Variants in PROX2 observed in about 807,000 individuals in gnomAD.
PROX2 encodes prospero homeobox 2, also known as prospero homeobox protein 2.
Under a neutral mutation model 48.9 loss-of-function variants are expected in PROX2, and 46 were observed. The observed-to-expected ratio is 0.94, with a 90% confidence interval of 0.74 to 1.20. PROX2 has a LOEUF of 1.20. Ranked by LOEUF, PROX2 falls within the 50% of genes most tolerant of loss-of-function variation. The pLI, the probability that PROX2 is intolerant of heterozygous loss-of-function variation, is 0.00. For synonymous variants in PROX2, 260 were observed against 276.6 expected, an observed-to-expected ratio of 0.94 and a Z score of 0.60; for missense variants, 663 against 719.4, an observed-to-expected ratio of 0.92 and a Z score of 0.90.
At position 74,855,106 on chromosome 14, in the gene PROX2, G is replaced by A. The variant is rs529831386; in HGVS notation, c.*26C>T. On this transcript the variant is annotated 3_prime_UTR_variant, in exon 6 of 6. Transcript: ENST00000556489. ...GAAACCCTAGCCAGTCACTCCTCAC[G>A]TTGTGGGATCTTAACCCCGAAACAG... 2.4e-5 allele frequency: 36 copies of A among 1,482,928 alleles called. No homozygotes were observed. The highest frequency in any genetic ancestry group is 9.7e-5 in the Admixed American group (5 of 51,436). The allele number at this position is 1,482,928 out of a possible 1,614,324, so 91.9% of individuals were successfully genotyped here. A position where few individuals can be genotyped will look rare whatever the true frequency, so the allele number is the denominator to read the frequency against.
intron 3 of PROX2, 34 bp downstream of exon 3, chr14:74,862,496 A>G: frequency 2.5e-6 from 4 of 1,582,030 alleles, no homozygotes; most frequent in Non-Finnish European, 3.4e-6. Flanking sequence ...GCACCTGGCC[A>G]ACAATGAGAA....
Position 74,854,185 on chromosome 14 carries a change from G to A in PROX2, c.*947C>T, listed in dbSNP as rs1224267741. 2 of 425,830 alleles carry A rather than the reference G, an allele frequency of 4.7e-6. No individual in the cohort carries two copies. The highest frequency in any genetic ancestry group is 4.7e-6 in the Non-Finnish European group (1 of 211,172). 26.4% of individuals were successfully genotyped at this position (425,830 alleles called of 1,614,324 possible). The stretch of plus-strand genomic sequence containing the variant: ...GTTCAGCTTCTTCTGCATATATGAG[G>A]TTGGGGCACCAATTGCAATGGTCAG... On this transcript the variant is annotated 3_prime_UTR_variant, in exon 6 of 6. Transcript: ENST00000556489.
chr14:74,860,158 G>A (rs1309657136), intron 3 of PROX2, among the ~76,000 whole-genome samples: 4 of 152,334 alleles, frequency 2.6e-5, no homozygotes, highest in East Asian at 3.9e-4. Flanking sequence ...GTCTAAACCC[G>A]TTATCTGAAA....
chr14:74,858,291 A>C (rs929211024), intron 4 of PROX2, 116 bp downstream of exon 4: 2 of 624,736 alleles, frequency 3.2e-6, no homozygotes, highest in African/African-American at 3.7e-5. Context: ...TCCATCAGCA[A>C]CACTAAGGGG....
In PROX2 at chr14:74,863,953, T is replaced by G. The variant is rs1421571839; in HGVS notation, c.-119A>C. The G allele has an allele frequency of 8.1e-7, 1 of 1,236,792 alleles. No homozygotes were observed. Among genetic ancestry groups the G allele is most frequent in the African/African-American group, 1.5e-5 (1 of 64,598 alleles). The allele number at this position is 1,236,792 out of a possible 1,614,324, so 76.6% of individuals were successfully genotyped here. The stretch of plus-strand genomic sequence containing the variant: ...TAGAAGGGTAAAGAGCCACTGTCAC[T>G]GAGGAAGGATTCAGATTCTGGGATG... On this transcript the variant is annotated 5_prime_UTR_variant, in exon 3 of 6. Coordinates refer to ENST00000556489, the MANE Select transcript of PROX2 (RefSeq NM_001243007.2).
In PROX2 at chr14:74,855,372, A is replaced by G. The variant is rs758569846; in HGVS notation, c.1609-70T>C. The G allele has an allele frequency of 1.7e-5, 22 of 1,303,330 alleles. 1 individual carries two copies. The East Asian group carries it at 2.3e-4, about 14-fold the overall frequency. The allele number at this position is 1,303,330 out of a possible 1,614,324, so 80.7% of individuals were successfully genotyped here. A position where few individuals can be genotyped will look rare whatever the true frequency, so the allele number is the denominator to read the frequency against. ...GGGAAGCACTGGTGCCAGAGCCCTC[A>G]CTAGCGGGTGCTGCCTGTTTCTTGG... On this transcript the variant is annotated intron_variant, in intron 5 of 5. Transcript: ENST00000556489.
At chr14:74,872,980 C>T (rs889427891) in intron 1 of PROX2, among the ~76,000 whole-genome samples, 3 of 152,006 alleles carry the variant, frequency 2.0e-5, no homozygotes, top group Non-Finnish European at 4.4e-5. Flanking sequence ...TGGGGGGAAT[C>T]GTTAGCTATT....
chr14:74,858,392 G>A lies in PROX2; in HGVS notation c.1413+15C>T, dbSNP rs2091763473. ...GGAGTTCTGCAGAAGCTGCCATTTA[G>A]TTGAGTGACTTTACCTGAACATCAG... On this transcript the variant is annotated intron_variant, in intron 4 of 5. Transcript: ENST00000556489. 1 of 1,500,806 alleles carries A rather than the reference G, an allele frequency of 6.7e-7. No homozygotes were observed. Among genetic ancestry groups the A allele is most frequent in the African/African-American group, 1.4e-5 (1 of 72,506 alleles). 93.0% of individuals were successfully genotyped at this position (1,500,806 alleles called of 1,614,324 possible).
At chr14:74,862,296 G>A (rs2091800114) in intron 3 of PROX2, among the ~76,000 whole-genome samples, 1 of 152,190 alleles carries the variant, frequency 6.6e-6, no homozygotes, top group Non-Finnish European at 1.5e-5. Flanking sequence ...CGAACTCCCG[G>A]GCTCAAGCAA....
chr14:74,865,888 A>T (rs2140171157), intron 2 of PROX2, among the ~76,000 whole-genome samples: 2 of 152,290 alleles, frequency 1.3e-5, no homozygotes, highest in Admixed American at 1.3e-4. Flanking sequence ...ACCAACAGGG[A>T]CACTACAACG....
At chr14:74,872,654 C>T (rs191710546) in intron 1 of PROX2, among the ~76,000 whole-genome samples, 116 of 152,318 alleles carry the variant, frequency 7.6e-4, no homozygotes, top group African/African-American at 2.4e-3. Flanking sequence ...AGTCACATAG[C>T]GTTTTTATGC....
At position 74,854,349 on chromosome 14, in the gene PROX2, C is replaced by T; in HGVS notation, c.*783G>A. The T allele has an allele frequency of 2.6e-6, 1 of 388,556 alleles. No homozygotes were observed. The highest frequency in any genetic ancestry group is 2.0e-5 in the South Asian group (1 of 50,704). 24.1% of individuals were successfully genotyped at this position (388,556 alleles called of 1,614,324 possible). A position where few individuals can be genotyped will look rare whatever the true frequency, so the allele number is the denominator to read the frequency against. On this transcript the variant is annotated 3_prime_UTR_variant, in exon 6 of 6. Transcript: ENST00000556489. ...CAGAAATCTTGGGCGGTGAAGTGCTCCTAAGTGCTGGGCAGGAGTTGTCAG... is the reference window on the plus strand; with the variant it reads ...CAGAAATCTTGGGCGGTGAAGTGCTTCTAAGTGCTGGGCAGGAGTTGTCAG...
intron 2 of PROX2, among the ~76,000 whole-genome samples, chr14:74,868,749 A>C (rs1393699210): frequency 6.6e-6 from 1 of 152,022 alleles, no homozygotes; most frequent in Non-Finnish European, 1.5e-5. Context: ...AGGCAGAAGA[A>C]TGGCGTGAAC....
chr14:74,862,817 T>G lies in PROX2; in HGVS notation c.1018A>C (p.Ile340Leu). Residue 340 changes from isoleucine (I) to leucine (L), a missense_variant, in exon 3 of 6, where the codon ATC (isoleucine) becomes CTC (leucine). Coordinates refer to ENST00000556489, the MANE Select transcript of PROX2 (RefSeq NM_001243007.2). ...ANFPLTAPSH[I>L]QENQILSQLL... is the part of the protein sequence containing the mutation. ...TGGCTAAGAATCTGATTTTCCTGGA[T>G]GTGGGAAGGTGCAGTCAAGGGAAAG... 6.2e-7 allele frequency: 1 copy of G among 1,613,986 alleles called. No individual in the cohort carries two copies. Among genetic ancestry groups the G allele is most frequent in the East Asian group, 2.2e-5 (1 of 44,888 alleles).
intron 5 of PROX2, 132 bp from the exon 6 acceptor site, chr14:74,855,434 T>A: frequency 3.4e-6 from 2 of 582,058 alleles, no homozygotes. Context: ...TAGTGGCCCC[T>A]GATTCTGCAA....
Position 74,862,759 on chromosome 14 carries a change from C to T in PROX2, c.1076G>A (p.Trp359Ter), listed in dbSNP as rs751309959. The T allele has an allele frequency of 1.2e-5, 19 of 1,614,002 alleles. No homozygotes were observed. The highest frequency in any genetic ancestry group is 1.4e-5 in the Non-Finnish European group (16 of 1,179,884). The change falls in exon 3 of 6, where the codon TGG (tryptophan) becomes TAG (stop). Residue 359 changes from tryptophan to a stop codon, truncating the protein, a stop_gained. Transcript: ENST00000556489. LOFTEE classifies it high-confidence loss of function. ...LLGHRYNNGH[W>*]SSSPPQDSSS... ...TGAGTCCTGGGGAGGACTGCTACTC[C>T]AATGGCCATTGTTGTATCTATGACC...
In PROX2 at chr14:74,854,141, C is replaced by T. The variant is rs1594856449; in HGVS notation, c.*991G>A. The T allele has an allele frequency of 5.6e-6, 2 of 357,212 alleles. No individual in the cohort carries two copies. Among genetic ancestry groups the T allele is most frequent in the Admixed American group, 3.4e-5 (1 of 29,084 alleles). The allele number at this position is 357,212 out of a possible 1,614,324, so 22.1% of individuals were successfully genotyped here. ...GCCAGATGATCTCCTAAGGCCCTTT[C>T]TACCTTTCACAGTCTGAAGTTCAGC... On this transcript the variant is annotated 3_prime_UTR_variant, in exon 6 of 6. Coordinates refer to ENST00000556489, the MANE Select transcript of PROX2 (RefSeq NM_001243007.2).
intron 5 of PROX2, 94 bp from the exon 6 acceptor site, chr14:74,855,396 G>T: frequency 9.6e-7 from 1 of 1,042,188 alleles, no homozygotes; most frequent in South Asian, 2.2e-5. Flanking sequence ...CCTGTTTCTT[G>T]GGTAGTGGGC....
Position 74,862,681 on chromosome 14 carries a change from G to A in PROX2, c.1154C>T (p.Thr385Ile), listed in dbSNP as rs776137509. The A allele has an allele frequency of 1.2e-6, 2 of 1,613,914 alleles. No individual in the cohort carries two copies. The highest frequency in any genetic ancestry group is 8.5e-7 in the Non-Finnish European group (1 of 1,179,904). The change falls in exon 3 of 6, where the codon ACT (threonine) becomes ATT (isoleucine). Residue 385 changes from threonine to isoleucine, a missense_variant. By Grantham distance (89) the Thr-to-Ile change is moderately conservative. Coordinates refer to ENST00000556489, the MANE Select transcript of PROX2 (RefSeq NM_001243007.2). ...GCTCAGGACCAATGGTTGCGGCTTAGTAGTTCTCCAAGGTCGTAGGGCAGG... is the reference window on the plus strand; with the variant it reads ...GCTCAGGACCAATGGTTGCGGCTTAATAGTTCTCCAAGGTCGTAGGGCAGG... ...SEPALRPWRTTKPQPLVLSQQ... is the reference protein window; with the variant it reads ...SEPALRPWRTIKPQPLVLSQQ...
Sources: gnomAD v4.1 joint callset for allele counts (sites outside exome capture counted in the v4.1 genomes callset) on GRCh38, gnomAD v4.1.1 for gene constraint, MANE v1.5 for transcripts, NCBI Gene and HGNC (gene_info 2026-07-23, HGNC 2026-07-21) for gene names.